INPP5D: variants seen among roughly 807,000 people sequenced by gnomAD.
The protein encoded by INPP5D is phosphatidylinositol 3,4,5-trisphosphate 5-phosphatase 1.
A neutral mutation model predicts 122.9 loss-of-function variants in INPP5D; 33 were observed. That is an observed-to-expected ratio of 0.27 (90% CI 0.20 to 0.36). The LOEUF (loss-of-function observed/expected upper bound fraction) is 0.36, where lower values mean the gene tolerates loss of function less well. Among genes scored for constraint, INPP5D ranks in the 10% least tolerant of loss-of-function variants. The probability of loss-of-function intolerance (pLI) is 1.00; values close to 1 mark genes in which losing one functional copy is unlikely to be tolerated. For synonymous variants in INPP5D, 584 were observed against 576.2 expected (o/e 1.01, Z -0.19); for missense variants, 1,053 against 1,412.7 (o/e 0.75, Z 4.08).
chr2:233,106,537 C>G (rs141424957), intron 2 of INPP5D, among the ~76,000 whole-genome samples: 67 of 152,364 alleles, frequency 4.4e-4, no homozygotes, highest in Middle Eastern at 3.4e-3. Context: ...TCATCACGCT[C>G]TAGTGCAAGG....
At chr2:233,161,978 C>T (rs777854512) in intron 11 of INPP5D, among the ~76,000 whole-genome samples, 152 bp downstream of exon 11, 16 of 152,234 alleles carry the variant, frequency 1.1e-4, no homozygotes, top group Non-Finnish European at 2.1e-4. Context: ...CCCGCACAAC[C>T]TCCTTCCTGA....
intron 13 of INPP5D, among the ~76,000 whole-genome samples, chr2:233,167,382 A>AG (rs982023827): frequency 6.6e-6 from 1 of 151,722 alleles, no homozygotes; most frequent in African/African-American, 2.4e-5. Flanking sequence ...AGAAAAAAAA[A>AG]TACAAACACT....
intron 5 of INPP5D, among the ~76,000 whole-genome samples, chr2:233,137,895 TATAC>T (rs1445528404): frequency 1.2e-4 from 6 of 51,936 alleles, no homozygotes; most frequent in South Asian, 5.9e-4. Context: ...TATATATATA[TATAC>T]ACACACACAC....
At chr2:233,187,105 G>A (rs1044637500) in intron 21 of INPP5D, among the ~76,000 whole-genome samples, 2 of 151,988 alleles carry the variant, frequency 1.3e-5, no homozygotes, top group Admixed American at 6.6e-5. Flanking sequence ...GATAACCTGA[G>A]CCTAGGAGAT....
chr2:233,175,459 C>A (rs1006363996), intron 17 of INPP5D, among the ~76,000 whole-genome samples: 2 of 152,062 alleles, frequency 1.3e-5, no homozygotes, highest in African/African-American at 4.8e-5. Context: ...CACTAATGCT[C>A]ACCTTTAGGA....
At chr2:233,169,203 C>G in intron 13 of INPP5D, 102 bp from the exon 14 acceptor site, 2 of 1,514,660 alleles carry the variant, frequency 1.3e-6, no homozygotes, top group Non-Finnish European at 1.8e-6. Context: ...CTTGCCAGCT[C>G]CTCACTCACT....
rs911182024 is a variant in INPP5D, at chr2:233,136,502, C to A, written c.666-3340C>A. On this transcript the variant is annotated intron_variant, in intron 5 of 26. Coordinates refer to ENST00000445964, the MANE Select transcript of INPP5D (RefSeq NM_001017915.3). ...TAAAAAAAAAAAGGAAATAGAATAA[C>A]AAGTCAAATGTACAAACTGAGTCCA... Among the ~76,000 whole-genome samples the A allele has an allele frequency of 3.5e-4, 52 of 149,872 alleles. 1 individual carries two copies. The highest frequency in any genetic ancestry group is 7.4e-5 in the Non-Finnish European group (5 of 67,450).
At chr2:233,119,173 A>G (rs1204596347) in intron 2 of INPP5D, among the ~76,000 whole-genome samples, 1 of 152,122 alleles carries the variant, frequency 6.6e-6, no homozygotes, top group Non-Finnish European at 1.5e-5. Context: ...TAAATTCCCA[A>G]ATCTCACATG....
Position 233,060,451 on chromosome 2 carries a change from G to A in INPP5D, c.-28G>A, listed in dbSNP as rs750747876. 24 of 1,571,870 alleles carry A rather than the reference G, an allele frequency of 1.5e-5. No homozygotes were observed. Among genetic ancestry groups the A allele is most frequent in the South Asian group, 8.0e-5 (7 of 87,128 alleles). On this transcript the variant is annotated 5_prime_UTR_variant, in exon 1 of 27. Transcript: ENST00000445964. Reference sequence around the variant, plus strand: ...TGTGTGGGTCCTGGGGGTGCCTGCCGGCCCGGCCGAGGAGGCCCACGCCCA... The same window carrying A: ...TGTGTGGGTCCTGGGGGTGCCTGCCAGCCCGGCCGAGGAGGCCCACGCCCA...
chr2:233,170,994 AG>A lies in INPP5D; in HGVS notation c.1901-69del. 6.3e-7 allele frequency: 1 copy of A among 1,582,424 alleles called. No individual in the cohort carries two copies. The highest frequency in any genetic ancestry group is 2.3e-5 in the East Asian group (1 of 43,624). ...CCCTTTCCCCTGATTTCCTACCAGA[AG>A]AATAGGGAAAATTGGCCAGATGCAA... On this transcript the variant is annotated intron_variant, in intron 16 of 26. Transcript: ENST00000445964. This position sits in a 1 kb window ranked among gnomAD's most constrained non-coding sequence, Gnocchi z 4.5.
At chr2:233,137,227 T>TAGG (rs55638483) in intron 5 of INPP5D, among the ~76,000 whole-genome samples, 126,672 of 151,558 alleles carry the variant, frequency 0.84, 53,679 homozygotes, top group Non-Finnish European at 0.92. Flanking sequence ...AGGCTTTATC[T>TAGG]AGGTCACTCC....
At chr2:233,116,689 T>C (rs7569598) in intron 2 of INPP5D, among the ~76,000 whole-genome samples, 41,075 of 151,842 alleles carry the variant, frequency 0.27, 6,993 homozygotes, top group African/African-American at 0.48. Flanking sequence ...CACTGCTGCT[T>C]GGGTTCAAGC....
At chr2:233,181,578 T>G (rs984608602) in intron 18 of INPP5D, among the ~76,000 whole-genome samples, 2 of 152,234 alleles carry the variant, frequency 1.3e-5, no homozygotes, top group African/African-American at 4.8e-5. Flanking sequence ...AAGAACTGTC[T>G]TTCTAGAACT....
chr2:233,078,389 T>C lies in INPP5D; in HGVS notation c.135-946T>C, dbSNP rs1023724901. 1.3e-5 allele frequency among the ~76,000 whole-genome samples: 2 copies of C among 152,244 alleles called. No individual in the cohort carries two copies. Among genetic ancestry groups the C allele is most frequent in the African/African-American group, 4.8e-5 (2 of 41,466 alleles). ...AGAATCTGGGATTCCTAGGACCTTC[T>C]TGTTAGAAACAACCCCAAGACTTGC... On this transcript the variant is annotated intron_variant, in intron 1 of 26. Coordinates refer to ENST00000445964, the MANE Select transcript of INPP5D (RefSeq NM_001017915.3). The surrounding 1 kb of genome is among the most constrained non-coding windows in gnomAD (Gnocchi z 4.6).
intron 9 of INPP5D, among the ~76,000 whole-genome samples, chr2:233,155,371 C>G (rs921519819): frequency 6.6e-6 from 1 of 152,064 alleles, no homozygotes; most frequent in Non-Finnish European, 1.5e-5. Flanking sequence ...GCCTGTAATC[C>G]CAGCGCTTTG....
chr2:233,065,638 TCTTTCTTTCTTTC>T (rs1328640181), intron 1 of INPP5D, among the ~76,000 whole-genome samples: 16 of 10,108 alleles, frequency 1.6e-3, no homozygotes, highest in African/African-American at 5.7e-3. Flanking sequence ...TTTCTTTCTT[TCTTTCTTTCTTTC>T]TTTTTTTTTT....
In INPP5D at chr2:233,060,601, G is replaced by A. The variant is rs746838114; in HGVS notation, c.123G>A (p.Ala41=). 78 of 1,613,876 alleles carry A rather than the reference G, an allele frequency of 4.8e-5. No homozygotes were observed. In the Middle Eastern group the frequency reaches 4.9e-4, roughly 10 times the overall value. The change falls in exon 1 of 27, where the codon GCG becomes GCA. Residue 41 remains alanine (A), a synonymous_variant. Coordinates refer to ENST00000445964, the MANE Select transcript of INPP5D (RefSeq NM_001017915.3). ...RASESISRAY[A]LCVLYRNCVY... is the part of the protein sequence containing the mutation. The stretch of plus-strand genomic sequence containing the variant: ...GCGAGTCCATCTCCCGGGCATACGC[G>A]CTCTGCGTGCTGTGAGTACAACCTG...
intron 2 of INPP5D, among the ~76,000 whole-genome samples, chr2:233,111,601 G>A (rs1042522930): frequency 2.0e-5 from 3 of 152,172 alleles, no homozygotes; most frequent in African/African-American, 7.2e-5. Context: ...CGGATTCTGC[G>A]TTTTCTGCAG....
chr2:233,132,498 C>T (rs1693356756), intron 5 of INPP5D, among the ~76,000 whole-genome samples: 1 of 152,208 alleles, frequency 6.6e-6, no homozygotes, highest in African/African-American at 2.4e-5. Flanking sequence ...ATTAAAGACA[C>T]CGTCATGCTC....
Sources: allele counts gnomAD v4.1 joint callset (sites outside exome capture counted in the v4.1 genomes callset), GRCh38; gene constraint gnomAD v4.1.1; non-coding constraint Gnocchi (gnomAD v3.1); transcripts MANE v1.5; gene names NCBI Gene and HGNC (gene_info 2026-07-23, HGNC 2026-07-21).